Variants in TXK observed in about 807,000 individuals in gnomAD.
TXK encodes tyrosine-protein kinase TXK.
In TXK, 60 loss-of-function variants were observed where a neutral mutation model predicts 81.0. The observed-to-expected ratio is 0.74, with a 90% confidence interval of 0.60 to 0.92. The LOEUF is 0.92. Among genes scored for constraint, TXK ranks in the 40% least tolerant of loss-of-function variants. TXK has a pLI of 0.00. For missense variants in TXK, 581 were observed against 638.3 expected, an observed-to-expected ratio of 0.91 and a Z score of 0.97; for synonymous variants, 203 against 210.7, an observed-to-expected ratio of 0.96 and a Z score of 0.32.
chr4:48,071,490 C>A (rs1473765796), intron 14 of TXK, 27 bp downstream of exon 14: 2 of 1,597,004 alleles, frequency 1.3e-6, no homozygotes, highest in Admixed American at 1.8e-5. Flanking sequence ...GACTGCCAAC[C>A]TTCATAGGAA....
At chr4:48,108,984 G>C (rs1227886986) in intron 5 of TXK, among the ~76,000 whole-genome samples, 1 of 152,100 alleles carries the variant, frequency 6.6e-6, no homozygotes, top group Non-Finnish European at 1.5e-5. Context: ...TTAATCGCTT[G>C]TAAAATCCAA....
rs147560771 is a variant in TXK at position 48,132,698 on chromosome 4, C to T, written c.16+1457G>A. Among the ~76,000 whole-genome samples the T allele has an allele frequency of 2.0e-3, 308 of 152,204 alleles. 1 individual carries two copies. The highest frequency in any genetic ancestry group is 7.1e-3 in the African/African-American group (296 of 41,510). ...CGTGTGGTGGCTCATGCCTGTAATC[C>T]CAGCACTTTGGGAGGCTGAGGCAAA... On this transcript the variant is annotated intron_variant, in intron 1 of 14. Transcript: ENST00000264316.
At chr4:48,073,716 T>C (rs1454850474) in intron 13 of TXK, among the ~76,000 whole-genome samples, 3 of 152,174 alleles carry the variant, frequency 2.0e-5, no homozygotes, top group East Asian at 1.9e-4. Flanking sequence ...TGAGTGCCCA[T>C]GGAGGAAGGA....
At chr4:48,090,973 C>T (rs890576179) in intron 8 of TXK, among the ~76,000 whole-genome samples, 1 of 152,170 alleles carries the variant, frequency 6.6e-6, no homozygotes, top group African/African-American at 2.4e-5. Flanking sequence ...ATATTAAGTG[C>T]CTATTGTGTG....
chr4:48,110,179 T>C (rs988573554), intron 5 of TXK, among the ~76,000 whole-genome samples: 1 of 152,186 alleles, frequency 6.6e-6, no homozygotes, highest in Non-Finnish European at 1.5e-5. Flanking sequence ...TATAAAAACA[T>C]AAGCCAAAAT....
intron 6 of TXK, among the ~76,000 whole-genome samples, chr4:48,104,021 G>C (rs1718302016): frequency 6.7e-6 from 1 of 149,802 alleles, no homozygotes; most frequent in Admixed American, 6.8e-5. Context: ...GGGCAGCATG[G>C]CAAAACCCTG....
intron 10 of TXK, 39 bp from the exon 11 acceptor site, chr4:48,080,167 T>C (rs1158117003): frequency 6.6e-7 from 1 of 1,506,548 alleles, no homozygotes; most frequent in Admixed American, 1.7e-5. Flanking sequence ...CAGAATTGTG[T>C]TTGCATTTTT....
intron 6 of TXK, among the ~76,000 whole-genome samples, chr4:48,099,044 G>C (rs1439671759): frequency 6.6e-6 from 1 of 152,098 alleles, no homozygotes; most frequent in Non-Finnish European, 1.5e-5. Flanking sequence ...CTAAGTGAGA[G>C]GCAAAAATTA....
intron 1 of TXK, among the ~76,000 whole-genome samples, chr4:48,124,034 A>T (rs1719023179): frequency 6.6e-6 from 1 of 152,224 alleles, no homozygotes; most frequent in Non-Finnish European, 1.5e-5. Context: ...CCCTGTCCCA[A>T]ATGTCCTGTC....
Position 48,134,161 on chromosome 4 carries a change from A to T in TXK, c.10T>A (p.Ser4Thr). ...CAAAGCCCATCTTACTCACAGGAGGAAAGGATCATGGTAGCCCCTTCTGCG... is the reference window on the plus strand; with the variant it reads ...CAAAGCCCATCTTACTCACAGGAGGTAAGGATCATGGTAGCCCCTTCTGCG... The part of the protein sequence containing the change: MIL[S>T]SYNTIQSVFC... Residue 4 changes from serine (S) to threonine (T), a missense_variant, in exon 1 of 15, where the codon TCC becomes ACC. Ser to Thr is a moderately conservative substitution (Grantham distance 58). Transcript: ENST00000264316. The T allele has an allele frequency of 6.2e-7, 1 of 1,613,410 alleles. No individual in the cohort carries two copies. Among genetic ancestry groups the T allele is most frequent in the Non-Finnish European group, 8.5e-7 (1 of 1,179,712 alleles).
At chr4:48,122,299 C>T (rs1718981982) in intron 1 of TXK, among the ~76,000 whole-genome samples, 1 of 152,228 alleles carries the variant, frequency 6.6e-6, no homozygotes, top group South Asian at 2.1e-4. Flanking sequence ...CTCACTCAGC[C>T]ACACCGCAAT....
intron 12 of TXK, among the ~76,000 whole-genome samples, chr4:48,075,079 A>C (rs950334525): frequency 1.3e-5 from 2 of 151,828 alleles, no homozygotes; most frequent in Admixed American, 1.3e-4. Context: ...CCCCAAAAAG[A>C]GGAATGGGGG....
At chr4:48,125,819 G>A (rs1336065266) in intron 1 of TXK, among the ~76,000 whole-genome samples, 2 of 152,230 alleles carry the variant, frequency 1.3e-5, no homozygotes, top group African/African-American at 2.4e-5. Context: ...GCAAGCTGAA[G>A]AATGAGAGAA....
intron 9 of TXK, among the ~76,000 whole-genome samples, chr4:48,088,905 T>C (rs1459225193): frequency 2.0e-5 from 3 of 152,178 alleles, no homozygotes; most frequent in Non-Finnish European, 4.4e-5. Flanking sequence ...AATCCCACTA[T>C]TGAGAGAAGT....
Position 48,071,678 on chromosome 4 carries a change from C to T in TXK, c.1358-4G>A, listed in dbSNP as rs778670460. 6.2e-7 allele frequency: 1 copy of T among 1,612,572 alleles called. No homozygotes were observed. Among genetic ancestry groups the T allele is most frequent in the Admixed American group, 1.7e-5 (1 of 59,654 alleles). ...AAAACTTCCCACATTAAAACTCCTG[C>T]AAACAAAAATGCAGGAAAACAAGGG... On this transcript the variant is annotated splice_region_variant and splice_polypyrimidine_tract_variant and intron_variant, in intron 13 of 14. Coordinates refer to ENST00000264316, the MANE Select transcript of TXK (RefSeq NM_003328.3).
At chr4:48,118,483 T>C (rs144697223) in intron 1 of TXK, among the ~76,000 whole-genome samples, 6 of 152,340 alleles carry the variant, frequency 3.9e-5, no homozygotes, top group Non-Finnish European at 5.9e-5. Flanking sequence ...TGTATTAGGA[T>C]AGAAAACTAG....
At chr4:48,075,684 GA>G (rs1035436422) in intron 12 of TXK, among the ~76,000 whole-genome samples, 1 of 152,022 alleles carries the variant, frequency 6.6e-6, no homozygotes, top group Non-Finnish European at 1.5e-5. Flanking sequence ...GAATCTTGCA[GA>G]AAAAATTCAG....
chr4:48,076,302 A>G, intron 12 of TXK, 100 bp downstream of exon 12: 1 of 917,122 alleles, frequency 1.1e-6, no homozygotes, highest in Non-Finnish European at 1.6e-6. Context: ...AGATAAAAAC[A>G]CAGCCTGCAG....
chr4:48,076,442 A>T lies in TXK; in HGVS notation c.1198T>A (p.Ser400Thr). 1 of 1,613,310 alleles carries T rather than the reference A, an allele frequency of 6.2e-7. No individual in the cohort carries two copies. The highest frequency in any genetic ancestry group is 8.5e-7 in the Non-Finnish European group (1 of 1,179,732). The change falls in exon 12 of 15, where the codon TCA becomes ACA. Residue 400 changes from serine to threonine, a missense_variant. Ser to Thr is a moderately conservative substitution (Grantham distance 58). Coordinates refer to ENST00000264316, the MANE Select transcript of TXK (RefSeq NM_003328.3). ...TCTGAAATTTTTACTATGCATGTTGAACTGACCAAACAATTCCTTGCCGCC... is the reference window on the plus strand; with the variant it reads ...TCTGAAATTTTTACTATGCATGTTGTACTGACCAAACAATTCCTTGCCGCC... ...DLAARNCLVS[S>T]TCIVKISDFG...
Sources: allele counts gnomAD v4.1 joint callset (sites outside exome capture counted in the v4.1 genomes callset), GRCh38; gene constraint gnomAD v4.1.1; transcripts MANE v1.5; gene names NCBI Gene and HGNC (gene_info 2026-07-23, HGNC 2026-07-21).